Variants in MICU1 observed in about 807,000 individuals in gnomAD.
MICU1 encodes calcium uptake protein 1, mitochondrial.
Under a neutral mutation model 56.8 loss-of-function variants are expected in MICU1, and 45 were observed. That is an observed-to-expected ratio of 0.79 (90% CI 0.62 to 1.02). The LOEUF (loss-of-function observed/expected upper bound fraction) is 1.02, where lower values mean the gene tolerates loss of function less well. Among genes scored for constraint, MICU1 ranks in the 50% least tolerant of loss-of-function variants. The probability of loss-of-function intolerance (pLI) is 0.00; values close to 1 mark genes in which losing one functional copy is unlikely to be tolerated. For synonymous variants in MICU1, 186 were observed against 195.1 expected (o/e 0.95, Z 0.39); for missense variants, 504 against 587.1 (o/e 0.86, Z 1.46).
At chr10:72,439,891 A>C (rs1387788535) in intron 8 of MICU1, among the ~76,000 whole-genome samples, 1 of 152,234 alleles carries the variant, frequency 6.6e-6, no homozygotes, top group East Asian at 1.9e-4. Flanking sequence ...GCTCAATGAA[A>C]TAAAGGAGGA....
At chr10:72,500,691 T>C (rs1054230836) in intron 6 of MICU1, among the ~76,000 whole-genome samples, 23 of 152,172 alleles carry the variant, frequency 1.5e-4, no homozygotes, top group Non-Finnish European at 2.9e-5. Context: ...CCCACAGGGT[T>C]AATAACTTTA....
At chr10:72,441,794 T>A (rs540897805) in intron 8 of MICU1, among the ~76,000 whole-genome samples, 5 of 151,850 alleles carry the variant, frequency 3.3e-5, no homozygotes, top group African/African-American at 1.2e-4. Context: ...TTTTTTGTAT[T>A]TTTAGTAGAG....
chr10:72,385,943 CT>C (rs1862873507), intron 10 of MICU1, among the ~76,000 whole-genome samples: 1 of 152,230 alleles, frequency 6.6e-6, no homozygotes, highest in South Asian at 2.1e-4. Flanking sequence ...AGAGCAATGA[CT>C]GGCCAACAGC....
chr10:72,533,343 G>A (rs973248237), intron 5 of MICU1, among the ~76,000 whole-genome samples: 2 of 152,116 alleles, frequency 1.3e-5, no homozygotes, highest in African/African-American at 4.8e-5. Flanking sequence ...AGCACTACAA[G>A]GACCTTTGTA....
chr10:72,595,985 CT>C (rs1220444933), intron 1 of MICU1, among the ~76,000 whole-genome samples: 56 of 119,274 alleles, frequency 4.7e-4, no homozygotes, highest in Admixed American at 6.6e-4. Flanking sequence ...AAATTTTTTT[CT>C]TTTTTTTTTT....
intron 1 of MICU1, among the ~76,000 whole-genome samples, chr10:72,589,178 A>T (rs1841151533): frequency 6.6e-6 from 1 of 151,964 alleles, no homozygotes; most frequent in Admixed American, 6.6e-5. Flanking sequence ...AATCCCAGCT[A>T]CTCAGGAGGC....
intron 1 of MICU1, among the ~76,000 whole-genome samples, chr10:72,580,545 T>C (rs2050527): frequency 0.58 from 88,855 of 152,038 alleles, 27,253 homozygotes; most frequent in Non-Finnish European, 0.67. Flanking sequence ...GGCACGATCT[T>C]GGCTCACCAC....
In MICU1 at chr10:72,380,071, A is replaced by G. The variant is rs892629868; in HGVS notation, c.1181-4199T>C. Among the ~76,000 whole-genome samples, 9 of 152,104 alleles carry G rather than the reference A, an allele frequency of 5.9e-5. No homozygotes were observed. In the South Asian group the frequency reaches 1.0e-3, roughly 17 times the overall value. On this transcript the variant is annotated intron_variant, in intron 10 of 11. Coordinates refer to ENST00000361114, the MANE Select transcript of MICU1 (RefSeq NM_001195518.2). ...GTTGGTTCATTCATATTTGCTTCCAATATCTCTGAATCCAGTCATAATCAC... is the reference window on the plus strand; with the variant it reads ...GTTGGTTCATTCATATTTGCTTCCAGTATCTCTGAATCCAGTCATAATCAC...
At chr10:72,521,986 T>C (rs559018145) in intron 5 of MICU1, among the ~76,000 whole-genome samples, 28 of 152,210 alleles carry the variant, frequency 1.8e-4, no homozygotes, top group Non-Finnish European at 3.8e-4. Context: ...GTTAGATTAA[T>C]CTGTAATTGG....
chr10:72,495,833 G>A (rs1866822795), intron 6 of MICU1, among the ~76,000 whole-genome samples: 1 of 151,990 alleles, frequency 6.6e-6, no homozygotes, highest in African/African-American at 2.4e-5. Flanking sequence ...TAATTTTCTA[G>A]CTTTTATCAT....
At chr10:72,578,231 C>T (rs1343766833) in intron 1 of MICU1, among the ~76,000 whole-genome samples, 1 of 151,962 alleles carries the variant, frequency 6.6e-6, no homozygotes, top group South Asian at 2.1e-4. Context: ...TTGCTAAAGG[C>T]TCAGATGATT....
intron 8 of MICU1, among the ~76,000 whole-genome samples, chr10:72,474,613 T>C (rs770593860): frequency 2.6e-5 from 4 of 152,158 alleles, no homozygotes; most frequent in Non-Finnish European, 5.9e-5. Context: ...CACCTTAGCC[T>C]CCCGGGTAGC....
At chr10:72,450,138 T>C (rs1865249311) in intron 8 of MICU1, among the ~76,000 whole-genome samples, 1 of 151,886 alleles carries the variant, frequency 6.6e-6, no homozygotes, top group South Asian at 2.1e-4. Context: ...AACAATGAAA[T>C]GACTATGTAA....
chr10:72,454,931 G>C (rs1193057605), intron 8 of MICU1, among the ~76,000 whole-genome samples: 1 of 152,148 alleles, frequency 6.6e-6, no homozygotes, highest in Non-Finnish European at 1.5e-5. Flanking sequence ...ATACCTAATA[G>C]ATCTCAGAGT....
At chr10:72,589,740 C>T (rs1319721309) in intron 1 of MICU1, among the ~76,000 whole-genome samples, 1 of 151,956 alleles carries the variant, frequency 6.6e-6, no homozygotes, top group African/African-American at 2.4e-5. Flanking sequence ...GACTGAAATA[C>T]ATAAAGAAAT....
intron 5 of MICU1, among the ~76,000 whole-genome samples, chr10:72,521,769 G>A (rs968438114): frequency 6.6e-6 from 1 of 151,952 alleles, no homozygotes; most frequent in Non-Finnish European, 1.5e-5. Flanking sequence ...GAATATTTTT[G>A]AAGTAGTTCA....
intron 5 of MICU1, among the ~76,000 whole-genome samples, chr10:72,526,093 G>T (rs1014622013): frequency 1.3e-5 from 2 of 151,810 alleles, no homozygotes; most frequent in Admixed American, 6.6e-5. Flanking sequence ...TTTTTTTAGG[G>T]TTATGGTATA....
chr10:72,376,411 C>T (rs866590200), intron 10 of MICU1, among the ~76,000 whole-genome samples: 21 of 152,040 alleles, frequency 1.4e-4, no homozygotes, highest in Admixed American at 5.2e-4. Flanking sequence ...GCTGGCCAGG[C>T]GCGGTGGCTC....
At chr10:72,466,010 T>C (rs1865785364) in intron 8 of MICU1, among the ~76,000 whole-genome samples, 1 of 152,230 alleles carries the variant, frequency 6.6e-6, no homozygotes, top group African/African-American at 2.4e-5. Flanking sequence ...ACAATTTTTT[T>C]CCATTCCTTA....
Sources: allele counts gnomAD v4.1 joint callset (sites outside exome capture counted in the v4.1 genomes callset), GRCh38; gene constraint gnomAD v4.1.1; transcripts MANE v1.5; gene names NCBI Gene and HGNC (gene_info 2026-07-23, HGNC 2026-07-21).